SV2B: variants seen among roughly 807,000 people sequenced by gnomAD.
SV2B encodes the protein synaptic vesicle glycoprotein 2B.
A neutral mutation model predicts 73.9 loss-of-function variants in SV2B; 41 were observed. That is an observed-to-expected ratio of 0.56 (90% CI 0.43 to 0.72). SV2B has a LOEUF of 0.72. SV2B is among the 30% of genes least tolerant of loss of function. The pLI, the probability that SV2B is intolerant of heterozygous loss-of-function variation, is 0.00. For synonymous variants in SV2B, 314 were observed against 314.2 expected (o/e 1.00, Z 0.01); for missense variants, 764 against 857.8 (o/e 0.89, Z 1.37).
intron 1 of SV2B, among the ~76,000 whole-genome samples, chr15:91,134,399 G>C (rs1316062918): frequency 6.6e-6 from 1 of 152,138 alleles, no homozygotes; most frequent in African/African-American, 2.4e-5. Context: ...ATTCAAGACC[G>C]CTGGGATTCT....
At chr15:91,169,921 C>T (rs780615658) in intron 1 of SV2B, among the ~76,000 whole-genome samples, 4 of 152,118 alleles carry the variant, frequency 2.6e-5, no homozygotes, top group African/African-American at 7.2e-5. Context: ...GGAAAATCAG[C>T]GGCGCAAATA....
intron 9 of SV2B, among the ~76,000 whole-genome samples, chr15:91,277,183 G>A (rs2048523099): frequency 6.6e-6 from 1 of 152,108 alleles, no homozygotes; most frequent in Non-Finnish European, 1.5e-5. Flanking sequence ...CAGATGTTTT[G>A]TATGACAGTA....
chr15:91,136,153 G>A lies in SV2B; in HGVS notation c.-392+35790G>A, dbSNP rs1380848107. Among the ~76,000 whole-genome samples the A allele has an allele frequency of 2.6e-5, 4 of 152,176 alleles. No homozygotes were observed. The highest frequency in any genetic ancestry group is 9.7e-5 in the African/African-American group (4 of 41,446). ...TGCCTTCACAGACTCCTAGGGATCT[G>A]GGAATCCCAGATTAAATGCCACTGG... On this transcript the variant is annotated intron_variant, in intron 1 of 12. Transcript: ENST00000394232. This position sits in a 1 kb window ranked among gnomAD's most constrained non-coding sequence, Gnocchi z 5.6.
At chr15:91,155,438 T>G (rs2214074) in intron 1 of SV2B, among the ~76,000 whole-genome samples, 1 of 152,146 alleles carries the variant, frequency 6.6e-6, no homozygotes, top group African/African-American at 2.4e-5. Flanking sequence ...AATGGCAGAT[T>G]AAATAATTTT....
At chr15:91,225,751 G>C in intron 1 of SV2B, 122 bp from the exon 2 acceptor site, 1 of 156,166 alleles carries the variant, frequency 6.4e-6, no homozygotes, top group Non-Finnish European at 1.4e-5. Flanking sequence ...TGTCTGATAA[G>C]ATTTCTCCCA....
chr15:91,255,483 G>C (rs1286886374), intron 4 of SV2B, among the ~76,000 whole-genome samples: 1 of 152,144 alleles, frequency 6.6e-6, no homozygotes, highest in Non-Finnish European at 1.5e-5. Context: ...GGGTGGGAAG[G>C]GGGTGAGGTA....
rs530079938 is a variant in SV2B at position 91,204,934 on chromosome 15, A to G, written c.-391-20939A>G. ...GGGAAAACTGAGACTGAGAGAGCGT[A>G]GAAAACAGGTTGAAAGACCTAACTT... On this transcript the variant is annotated intron_variant, in intron 1 of 12. Coordinates refer to ENST00000394232, the MANE Select transcript of SV2B (RefSeq NM_001323032.3). Among the ~76,000 whole-genome samples the G allele has an allele frequency of 8.5e-5, 13 of 152,322 alleles. No individual in the cohort carries two copies. In the East Asian group the frequency reaches 2.5e-3, roughly 29 times the overall value.
chr15:91,106,316 G>A lies in SV2B; in HGVS notation c.-392+5953G>A, dbSNP rs1156636466. On this transcript the variant is annotated intron_variant, in intron 1 of 12. Coordinates refer to ENST00000394232, the MANE Select transcript of SV2B (RefSeq NM_001323032.3). The surrounding 1 kb of genome is among the most constrained non-coding windows in gnomAD (Gnocchi z 4.4). ...AGTTTCAGGAAGGAGACATAGGTTT[G>A]AGTATCATTAGCATGTTATTTATTT... Among the ~76,000 whole-genome samples the A allele has an allele frequency of 1.3e-5, 2 of 152,294 alleles. No individual in the cohort carries two copies. Among genetic ancestry groups the A allele is most frequent in the African/African-American group, 4.8e-5 (2 of 41,554 alleles).
intron 1 of SV2B, among the ~76,000 whole-genome samples, chr15:91,206,364 G>A (rs1172484288): frequency 6.6e-6 from 1 of 152,050 alleles, no homozygotes; most frequent in Non-Finnish European, 1.5e-5. Flanking sequence ...ATTTAGTTAA[G>A]GAAGCTCCCC....
intron 1 of SV2B, among the ~76,000 whole-genome samples, chr15:91,145,322 A>G (rs1292664326): frequency 6.6e-6 from 1 of 152,174 alleles, no homozygotes; most frequent in African/African-American, 2.4e-5. Flanking sequence ...ATATGACCCC[A>G]TTCTTTTTAT....
At position 91,224,693 on chromosome 15, in the gene SV2B, G is replaced by C. The variant is rs535770962; in HGVS notation, c.-391-1180G>C. ...TGATCGCGTTACTAACCCACTCGGAGACAGTTTGATTATCTCTCAAATGAA... is the reference window on the plus strand; with the variant it reads ...TGATCGCGTTACTAACCCACTCGGACACAGTTTGATTATCTCTCAAATGAA... On this transcript the variant is annotated intron_variant, in intron 1 of 12. Transcript: ENST00000394232. The surrounding 1 kb of genome is among the most constrained non-coding windows in gnomAD (Gnocchi z 4.9). Among the ~76,000 whole-genome samples the C allele has an allele frequency of 6.6e-6, 1 of 152,294 alleles. No individual in the cohort carries two copies. The highest frequency in any genetic ancestry group is 2.4e-5 in the African/African-American group (1 of 41,546).
chr15:91,227,928 C>T lies in SV2B; in HGVS notation c.451+1214C>T, dbSNP rs1013521685. On this transcript the variant is annotated intron_variant, in intron 2 of 12. Transcript: ENST00000394232. The surrounding 1 kb of genome is among the most constrained non-coding windows in gnomAD (Gnocchi z 4.5). ...AGACCCAGATGGTCTCTGTCACAAT[C>T]ACTCAACTCTGTCACTGTAGCACAA... is the stretch of plus-strand genomic sequence containing the variant. Among the ~76,000 whole-genome samples the T allele has an allele frequency of 4.6e-5, 7 of 152,188 alleles. No homozygotes were observed. The highest frequency in any genetic ancestry group is 1.0e-4 in the Non-Finnish European group (7 of 68,032).
intron 5 of SV2B, among the ~76,000 whole-genome samples, chr15:91,259,879 C>G (rs12909322): frequency 6.6e-6 from 1 of 152,110 alleles, no homozygotes; most frequent in African/African-American, 2.4e-5. Context: ...GCACCTGCCA[C>G]GACCCTATTT....
intron 1 of SV2B, among the ~76,000 whole-genome samples, chr15:91,152,677 T>C (rs564902344): frequency 1.3e-5 from 2 of 152,206 alleles, no homozygotes; most frequent in Non-Finnish European, 2.9e-5. Flanking sequence ...TAAGTTTGGC[T>C]TGTGTTACCT....
At chr15:91,177,288 A>AC (rs2044350456) in intron 1 of SV2B, among the ~76,000 whole-genome samples, 1 of 151,930 alleles carries the variant, frequency 6.6e-6, no homozygotes, top group Non-Finnish European at 1.5e-5. Context: ...TGTTTTGGTT[A>AC]CTGTAGCCTT....
chr15:91,285,011 T>C (rs2048811663), intron 11 of SV2B, among the ~76,000 whole-genome samples: 1 of 152,194 alleles, frequency 6.6e-6, no homozygotes, highest in African/African-American at 2.4e-5. Flanking sequence ...ACATTATTAA[T>C]AAACATGCCA....
chr15:91,226,892 G>T (rs2046402888), intron 2 of SV2B, among the ~76,000 whole-genome samples, 178 bp downstream of exon 2: 1 of 152,058 alleles, frequency 6.6e-6, no homozygotes, highest in African/African-American at 2.4e-5. Context: ...AATAAGTATT[G>T]GAGCTTAGGT....
chr15:91,154,077 TTTTATAGTATAAATGTTAA>T (rs1460527774), intron 1 of SV2B, among the ~76,000 whole-genome samples: 1 of 149,272 alleles, frequency 6.7e-6, no homozygotes, highest in Non-Finnish European at 1.5e-5. Context: ...CTTTATATTA[TTTTATAGTATAAATGTTAA>T]TTTATAATAT....
chr15:91,207,299 A>G (rs1055363363), intron 1 of SV2B, among the ~76,000 whole-genome samples: 2 of 151,432 alleles, frequency 1.3e-5, no homozygotes, highest in Admixed American at 6.6e-5. Context: ...CTGGGATTAC[A>G]GGTGTGAGTC....
Sources: allele counts gnomAD v4.1 joint callset (sites outside exome capture counted in the v4.1 genomes callset), GRCh38; gene constraint gnomAD v4.1.1; non-coding constraint Gnocchi (gnomAD v3.1); transcripts MANE v1.5; gene names NCBI Gene and HGNC (gene_info 2026-07-23, HGNC 2026-07-21).